Variants in KLHL29 observed in about 807,000 individuals in gnomAD.
KLHL29 encodes the protein kelch like family member 29, also known as kelch-like protein 29.
A neutral mutation model predicts 80.4 loss-of-function variants in KLHL29; 21 were observed. The observed-to-expected ratio is 0.26, with a 90% CI of 0.19 to 0.38. The LOEUF (loss-of-function observed/expected upper bound fraction) is 0.38, where lower values mean the gene tolerates loss of function less well. KLHL29 is among the 10% of genes least tolerant of loss of function. The probability of loss-of-function intolerance (pLI) is 1.00; values close to 1 mark genes in which losing one functional copy is unlikely to be tolerated. For synonymous variants in KLHL29, 511 were observed against 526.8 expected (o/e 0.97, Z 0.41); for missense variants, 867 against 1,223.9 (o/e 0.71, Z 4.35).
rs552898357 is a variant in KLHL29 at position 23,523,060 on chromosome 2, A to G, written c.-45-39092A>G. On this transcript the variant is annotated intron_variant, in intron 2 of 13. Coordinates refer to ENST00000486442, the MANE Select transcript of KLHL29 (RefSeq NM_052920.2). ...TACGGGCATTTAGTGGGGAGGGGGG[A>G]TGGTTCTCAGAACCTTGGGGGGCAG... 4.9e-5 allele frequency among the ~76,000 whole-genome samples: 7 copies of G among 143,844 alleles called. No homozygotes were observed. In the East Asian group the frequency reaches 1.4e-3, roughly 30 times the overall value. 94.4% of individuals were successfully genotyped at this position (143,844 alleles called of 152,430 possible).
chr2:23,699,168 A>G (rs1381432501), intron 11 of KLHL29, among the ~76,000 whole-genome samples: 3 of 152,208 alleles, frequency 2.0e-5, no homozygotes, highest in Non-Finnish European at 4.4e-5. Context: ...TCAGAGGCAG[A>G]GGCACGGGCT....
intron 1 of KLHL29, among the ~76,000 whole-genome samples, chr2:23,395,606 G>T (rs918601079): frequency 6.6e-6 from 1 of 152,136 alleles, no homozygotes. Context: ...TTAGCCAGGC[G>T]TGGTGGCATG....
At position 23,706,592 on chromosome 2, in the gene KLHL29, C is replaced by A; in HGVS notation, c.2556C>A (p.Leu852=). 6.5e-7 allele frequency: 1 copy of A among 1,537,158 alleles called. No individual in the cohort carries two copies. The highest frequency in any genetic ancestry group is 8.7e-7 in the Non-Finnish European group (1 of 1,146,830). Residue 852 remains leucine, a synonymous_variant, in exon 14 of 14, where the codon CTC becomes CTA. Transcript: ENST00000486442. ...AYEPTTNTWT[L]LPHMPCPVFR... is the part of the protein sequence containing the mutation. ...AGCCCACAACCAACACATGGACCCT[C>A]CTCCCCCACATGCCCTGCCCTGTGT... is the stretch of plus-strand genomic sequence containing the variant.
At chr2:23,495,838 T>G (rs1301884299) in intron 2 of KLHL29, among the ~76,000 whole-genome samples, 1 of 152,252 alleles carries the variant, frequency 6.6e-6, no homozygotes, top group East Asian at 1.9e-4. Context: ...AAAACCTCCT[T>G]GGCAGGCAGG....
chr2:23,598,866 C>T (rs1187318521), intron 3 of KLHL29, among the ~76,000 whole-genome samples: 1 of 152,180 alleles, frequency 6.6e-6, no homozygotes, highest in Non-Finnish European at 1.5e-5. Context: ...TGTCTGTGTC[C>T]CCCAAGTCAT....
intron 2 of KLHL29, among the ~76,000 whole-genome samples, chr2:23,499,259 G>A (rs1464372478): frequency 6.6e-6 from 1 of 152,118 alleles, no homozygotes. Flanking sequence ...GGGATTTCTT[G>A]TAGGCCAGAC....
At chr2:23,639,323 T>A (rs948593810) in intron 4 of KLHL29, 43 bp downstream of exon 4, 1 of 1,529,510 alleles carries the variant, frequency 6.5e-7, no homozygotes, top group Non-Finnish European at 8.8e-7. Context: ...AGCCCAGGGC[T>A]TGGCGGGAAG....
At chr2:23,578,076 G>C (rs970137743) in intron 3 of KLHL29, among the ~76,000 whole-genome samples, 5 of 152,138 alleles carry the variant, frequency 3.3e-5, no homozygotes, top group Non-Finnish European at 7.3e-5. Flanking sequence ...TTTGTCCCTG[G>C]ATTTCCAGTT....
At chr2:23,421,713 G>A (rs945315118) in intron 1 of KLHL29, among the ~76,000 whole-genome samples, 5 of 150,528 alleles carry the variant, frequency 3.3e-5, no homozygotes, top group Non-Finnish European at 7.4e-5. Flanking sequence ...GACTGTGTCT[G>A]TTAGTGTGTC....
At chr2:23,646,557 A>G (rs892279973) in intron 5 of KLHL29, among the ~76,000 whole-genome samples, 2 of 152,080 alleles carry the variant, frequency 1.3e-5, no homozygotes, top group African/African-American at 4.8e-5. Flanking sequence ...CGGACTTCAT[A>G]TTTTGCAGGG....
At position 23,479,961 on chromosome 2, in the gene KLHL29, G is replaced by A. The variant is rs549649848; in HGVS notation, c.-46+4294G>A. ...CCGACAGTGTGTCCTCATAAGCAGC[G>A]TGGTGGCAGGGAACCTGGGATTGGA... On this transcript the variant is annotated intron_variant, in intron 2 of 13. Coordinates refer to ENST00000486442, the MANE Select transcript of KLHL29 (RefSeq NM_052920.2). Among the ~76,000 whole-genome samples the A allele has an allele frequency of 7.2e-5, 11 of 152,326 alleles. No individual in the cohort carries two copies. The South Asian group carries it at 1.7e-3, about 23-fold the overall frequency.
Position 23,562,454 on chromosome 2 carries a change from C to T in KLHL29, c.258C>T (p.Ala86=). The T allele has an allele frequency of 2.6e-6, 4 of 1,536,560 alleles. No homozygotes were observed. The highest frequency in any genetic ancestry group is 3.5e-6 in the Non-Finnish European group (4 of 1,146,780). Residue 86 remains alanine, a synonymous_variant, in exon 3 of 14, where the codon GCC becomes GCT. Coordinates refer to ENST00000486442, the MANE Select transcript of KLHL29 (RefSeq NM_052920.2). The surrounding 1 kb of genome is among the most constrained non-coding windows in gnomAD (Gnocchi z 4.5). ...GSSEAITSLV[A]SSASAVTTKA... is the part of the protein sequence containing the mutation. ...GCGAGGCCATCACCAGCCTCGTGGC[C>T]AGCTCTGCGTCTGCGGTCACCACCA...
rs114208590 is a variant in KLHL29, at chr2:23,398,259, C to A, written c.-154+12479C>A. 2.8e-3 allele frequency among the ~76,000 whole-genome samples: 421 copies of A among 152,318 alleles called. 1 individual carries two copies. The highest frequency in any genetic ancestry group is 9.7e-3 in the African/African-American group (404 of 41,560). ...ATAAACAAAATACACTAGATACATA[C>A]AATGGAAGATGATTCAGCCTTAAAA... On this transcript the variant is annotated intron_variant, in intron 1 of 13. Coordinates refer to ENST00000486442, the MANE Select transcript of KLHL29 (RefSeq NM_052920.2).
intron 7 of KLHL29, 71 bp from the exon 8 acceptor site, chr2:23,693,198 G>A: frequency 2.7e-6 from 4 of 1,484,108 alleles, no homozygotes; most frequent in Non-Finnish European, 3.6e-6. Context: ...GATCTAGGGT[G>A]ACAGCAATGG....
intron 2 of KLHL29, among the ~76,000 whole-genome samples, chr2:23,558,137 C>G (rs1215082976): frequency 6.6e-6 from 1 of 152,204 alleles, no homozygotes; most frequent in African/African-American, 2.4e-5. Context: ...CCCAACTTAA[C>G]TGCAGTGGCA....
chr2:23,410,085 G>A (rs939767159), intron 1 of KLHL29, among the ~76,000 whole-genome samples: 2 of 152,178 alleles, frequency 1.3e-5, no homozygotes, highest in Non-Finnish European at 2.9e-5. Flanking sequence ...AGAATTAGGA[G>A]GGAGAGGCCA....
intron 1 of KLHL29, among the ~76,000 whole-genome samples, chr2:23,406,578 C>T (rs1666740056): frequency 6.6e-6 from 1 of 152,128 alleles, no homozygotes; most frequent in Non-Finnish European, 1.5e-5. Flanking sequence ...CCATTCCCAT[C>T]AGATGTATTT....
At position 23,562,210 on chromosome 2, in the gene KLHL29, A is replaced by C; in HGVS notation, c.14A>C (p.His5Pro). 6.4e-7 allele frequency: 1 copy of C among 1,550,658 alleles called. No individual in the cohort carries two copies. Among genetic ancestry groups the C allele is most frequent in the Admixed American group, 2.0e-5 (1 of 51,002 alleles). Reference protein sequence around the residue: MSRHHSRFERDYRVG... With the variant: MSRHPSRFERDYRVG... ...CGGCCCACCGAGATGTCCCGGCACC[A>C]TAGCCGCTTCGAAAGAGATTACCGG... The change falls in exon 3 of 14, where the codon CAT (histidine) becomes CCT (proline). Residue 5 changes from histidine (H) to proline (P), a missense_variant. Physicochemically the swap from His to Pro is moderately conservative, Grantham distance 77 (BLOSUM62 -2). This residue lies in a region of KLHL29 where 424 missense variants were observed against 456.9 expected (regional missense o/e 0.93). Coordinates refer to ENST00000486442, the MANE Select transcript of KLHL29 (RefSeq NM_052920.2). The surrounding 1 kb of genome is among the most constrained non-coding windows in gnomAD (Gnocchi z 4.5).
Position 23,464,815 on chromosome 2 carries a change from A to G in KLHL29, c.-153-10745A>G, listed in dbSNP as rs377070360. ...TTATGGTCAGGAAGTTGATGGGTGTAATTTATTTTTCCCACCTCTTCTCTT... is the reference window on the plus strand; with the variant it reads ...TTATGGTCAGGAAGTTGATGGGTGTGATTTATTTTTCCCACCTCTTCTCTT... On this transcript the variant is annotated intron_variant, in intron 1 of 13. Transcript: ENST00000486442. 3.1e-4 allele frequency among the ~76,000 whole-genome samples: 47 copies of G among 152,250 alleles called. 3 individuals carry two copies. Among genetic ancestry groups the G allele is most frequent in the African/African-American group, 9.6e-4 (40 of 41,556 alleles).
Sources: gnomAD v4.1 joint callset for allele counts (sites outside exome capture counted in the v4.1 genomes callset) on GRCh38, gnomAD v4.1.1 for gene constraint, gnomAD v4.1.1 regional missense constraint, Gnocchi (gnomAD v3.1) non-coding constraint, MANE v1.5 for transcripts, NCBI Gene and HGNC (gene_info 2026-07-23, HGNC 2026-07-21) for gene names.